ZNF215: variants seen among roughly 807,000 people sequenced by gnomAD.
ZNF215 encodes the protein BWSCR2-associated zinc finger protein 2.
In ZNF215, 24 loss-of-function variants were observed where a neutral mutation model predicts 27.2. That is an observed-to-expected ratio of 0.88 (90% CI 0.64 to 1.24). The LOEUF is 1.24. ZNF215 is among the 50% of genes most tolerant of loss of function. The pLI is 0.00. For synonymous variants in ZNF215, 210 were observed against 204.0 expected (o/e 1.03, Z -0.25); for missense variants, 675 against 605.7 (o/e 1.11, Z -1.20).
rs573328862 is a variant in ZNF215, at chr11:6,956,174, C to G, written c.1197C>G (p.Ile399Met). 1 of 1,613,542 alleles carries G rather than the reference C, an allele frequency of 6.2e-7. No homozygotes were observed. The highest frequency in any genetic ancestry group is 1.3e-5 in the African/African-American group (1 of 75,028). ...GTTCATCCCTTATTCGACATCAGAT[C>G]ATTCACACAGGAGAGAAACCCTATA... The part of the protein sequence containing the change: ...CRSSSLIRHQ[I>M]IHTGEKPYKC... The change falls in exon 7 of 7, where the codon ATC becomes ATG. Residue 399 changes from isoleucine to methionine, a missense_variant. By Grantham distance (10) the Ile-to-Met change is conservative. Coordinates refer to ENST00000278319, the MANE Select transcript of ZNF215 (RefSeq NM_013250.4).
At chr11:6,977,444 A>G (rs1299499480) in intron 5 of ZNF215, among the ~76,000 whole-genome samples, 1 of 152,040 alleles carries the variant, frequency 6.6e-6, no homozygotes, top group African/African-American at 2.4e-5. Context: ...GGTTTCAGGT[A>G]TCCACTGGGG....
At chr11:6,952,627 T>C (rs1230607034) in intron 6 of ZNF215, among the ~76,000 whole-genome samples, 1 of 152,014 alleles carries the variant, frequency 6.6e-6, no homozygotes, top group Non-Finnish European at 1.5e-5. Context: ...CCTATGTGTG[T>C]CTCTGCACAT....
intron 6 of ZNF215, among the ~76,000 whole-genome samples, chr11:6,953,376 C>G (rs1426425860): frequency 6.6e-6 from 1 of 152,222 alleles, no homozygotes; most frequent in Non-Finnish European, 1.5e-5. Flanking sequence ...ATACACCAAT[C>G]AGACGTAGAT....
chr11:6,962,042 A>G (rs1487143217), downstream of ZNF215, among the ~76,000 whole-genome samples: 1 of 152,144 alleles, frequency 6.6e-6, no homozygotes, highest in Non-Finnish European at 1.5e-5. Flanking sequence ...GTCATTCTCA[A>G]TTTTAGAATA....
downstream of ZNF215, among the ~76,000 whole-genome samples, chr11:6,961,997 A>G (rs1385185845): frequency 1.3e-5 from 2 of 152,106 alleles, no homozygotes; most frequent in East Asian, 1.9e-4. Context: ...TTTGGTCCCA[A>G]TCTTTGTTTT....
chr11:6,975,031 GT>G (rs1465138836), intron 5 of ZNF215, among the ~76,000 whole-genome samples: 1 of 152,118 alleles, frequency 6.6e-6, no homozygotes, highest in African/African-American at 2.4e-5. Context: ...CTGTGGGTTT[GT>G]CATAAATAGC....
chr11:6,927,952 T>G (rs1220471078), intron 2 of ZNF215, 145 bp downstream of exon 2: 4 of 152,242 alleles, frequency 2.6e-5, no homozygotes, highest in Non-Finnish European at 5.9e-5. Flanking sequence ...ATCAGGAGCT[T>G]CAGCTGTGCG....
intron 5 of ZNF215, among the ~76,000 whole-genome samples, chr11:6,981,130 T>C (rs1395003044): frequency 2.0e-5 from 3 of 151,212 alleles, no homozygotes; most frequent in Non-Finnish European, 4.4e-5. Context: ...TACCCAGTAA[T>C]GGGATGGCTG....
chr11:6,949,012 C>T (rs1310215523), intron 6 of ZNF215, among the ~76,000 whole-genome samples: 1 of 149,286 alleles, frequency 6.7e-6, no homozygotes, highest in Non-Finnish European at 1.5e-5. Context: ...GGTTTTTTGT[C>T]CTTGCGATAG....
chr11:6,929,172 C>T (rs1849167418), intron 2 of ZNF215, among the ~76,000 whole-genome samples: 1 of 152,190 alleles, frequency 6.6e-6, no homozygotes, highest in Non-Finnish European at 1.5e-5. Flanking sequence ...AGGCACCTGC[C>T]TCTGTGGCTT....
chr11:6,941,484 T>C, intron 3 of ZNF215, 87 bp from the exon 4 acceptor site: 1 of 1,156,262 alleles, frequency 8.6e-7, no homozygotes, highest in Admixed American at 2.4e-5. Context: ...ATAATTCCTG[T>C]GAATATCATA....
intron 6 of ZNF215, among the ~76,000 whole-genome samples, chr11:6,955,195 G>A (rs762823964): frequency 1.2e-4 from 18 of 152,272 alleles, no homozygotes; most frequent in Non-Finnish European, 2.4e-4. Context: ...GTGGCTGTAT[G>A]GAAAATGGGG....
downstream of ZNF215, among the ~76,000 whole-genome samples, chr11:6,961,553 AG>A (rs879883117): frequency 3.0e-4 from 46 of 152,132 alleles, 1 homozygote; most frequent in Non-Finnish European, 5.6e-4. Flanking sequence ...CACTGTCACC[AG>A]GATATGCATT....
chr11:6,991,172 G>A (rs1851112607), downstream of ZNF215, among the ~76,000 whole-genome samples: 1 of 152,188 alleles, frequency 6.6e-6, no homozygotes, highest in African/African-American at 2.4e-5. Context: ...AAGAGTCTCA[G>A]GTCACAAACC....
At chr11:6,931,052 A>G (rs1247530888) in intron 2 of ZNF215, among the ~76,000 whole-genome samples, 1 of 152,232 alleles carries the variant, frequency 6.6e-6, no homozygotes, top group Admixed American at 6.5e-5. Flanking sequence ...TGTAACAGTC[A>G]AAACTGTTTC....
downstream of ZNF215, chr11:6,988,325 G>T (rs1468547902): frequency 1.1e-6 from 1 of 903,160 alleles, no homozygotes; most frequent in Non-Finnish European, 1.3e-6. Flanking sequence ...GGTAAAGTAA[G>T]CCACTCTCAT....
chr11:6,941,765 G>T, intron 4 of ZNF215, 112 bp downstream of exon 4: 2 of 1,126,214 alleles, frequency 1.8e-6, no homozygotes, highest in Non-Finnish European at 2.5e-6. Context: ...CCAAGAACAT[G>T]AGACTTTTAT....
intron 5 of ZNF215, among the ~76,000 whole-genome samples, chr11:6,970,616 C>T (rs538179450): frequency 6.6e-6 from 1 of 152,132 alleles, no homozygotes; most frequent in Admixed American, 6.6e-5. Context: ...ACAAGAATGA[C>T]AAATTATTGA....
downstream of ZNF215, among the ~76,000 whole-genome samples, chr11:6,984,837 C>T (rs1414618284): frequency 8.7e-6 from 1 of 115,400 alleles, no homozygotes; most frequent in Non-Finnish European, 1.9e-5. Flanking sequence ...TTACATTTCT[C>T]TTATAGAAAT....
Sources: allele counts gnomAD v4.1 joint callset (sites outside exome capture counted in the v4.1 genomes callset), GRCh38; gene constraint gnomAD v4.1.1; transcripts MANE v1.5; gene names NCBI Gene and HGNC (gene_info 2026-07-23, HGNC 2026-07-21).